The following SV2C variants were observed in gnomAD, a reference collection of about 807,000 sequenced individuals.
SV2C encodes synaptic vesicle glycoprotein 2C, also known as solute carrier family 22 member B3.
In SV2C, 49 loss-of-function variants were observed where a neutral mutation model predicts 79.7. The observed-to-expected ratio is 0.61, with a 90% confidence interval of 0.49 to 0.78. The LOEUF (loss-of-function observed/expected upper bound fraction) is 0.78. SV2C is among the 30% of genes least tolerant of loss of function. The pLI, the probability that SV2C is intolerant of heterozygous loss-of-function variation, is 0.00. For missense variants in SV2C, 833 were observed against 912.9 expected (o/e 0.91, Z 1.13); for synonymous variants, 334 against 333.2 (o/e 1.00, Z -0.03).
the SV2C span, among the ~76,000 whole-genome samples, chr5:75,901,567 C>T: frequency 3.3e-4 from 50 of 152,328 alleles, no homozygotes; most frequent in African/African-American, 1.2e-3. Flanking sequence ...GCAATCTGCC[C>T]CTTCTCAGAT....
chr5:75,898,785 G>T, the SV2C span, among the ~76,000 whole-genome samples: 94 of 152,230 alleles, frequency 6.2e-4, no homozygotes, highest in East Asian at 0.014. Flanking sequence ...CTTCCTCCTG[G>T]TTTAGTCTTG....
chr5:75,883,678 G>A, the SV2C span, among the ~76,000 whole-genome samples: 3 of 124,976 alleles, frequency 2.4e-5, no homozygotes, highest in Non-Finnish European at 4.9e-5. Flanking sequence ...CACACTCTGG[G>A]GACTGTTGTG....
the SV2C span, among the ~76,000 whole-genome samples, chr5:75,949,993 G>A: frequency 6.6e-6 from 1 of 152,024 alleles, no homozygotes; most frequent in Non-Finnish European, 1.5e-5. Flanking sequence ...CAACTGGAAG[G>A]ATAATGTTGC....
the SV2C span, among the ~76,000 whole-genome samples, chr5:75,938,679 G>A: frequency 6.6e-6 from 1 of 152,030 alleles, no homozygotes; most frequent in Non-Finnish European, 1.5e-5. Flanking sequence ...CGGGGTCTGG[G>A]GCACTGCTAA....
At chr5:76,068,998 G>T in the SV2C span, among the ~76,000 whole-genome samples, 2 of 152,140 alleles carry the variant, frequency 1.3e-5, no homozygotes, top group African/African-American at 2.4e-5. Flanking sequence ...GCAAAGAAAA[G>T]AAAAGAAAAA....
In SV2C at chr5:76,295,251, C is replaced by T. The variant is rs75556125; in HGVS notation, c.1338-527C>T. Among the ~76,000 whole-genome samples the T allele has an allele frequency of 1.9e-3, 296 of 152,252 alleles. 1 individual carries two copies. The highest frequency in any genetic ancestry group is 6.6e-3 in the African/African-American group (274 of 41,530). ...CTCTGCTTCCAAGATGGCAGCTTGT[C>T]GCTGAGTCCTCCAGAGGGGACAAAT... On this transcript the variant is annotated intron_variant, in intron 8 of 12. Coordinates refer to ENST00000502798, the MANE Select transcript of SV2C (RefSeq NM_014979.4).
At chr5:76,029,627 ACTT>A in the SV2C span, among the ~76,000 whole-genome samples, 1 of 152,006 alleles carries the variant, frequency 6.6e-6, no homozygotes, top group South Asian at 2.1e-4. Flanking sequence ...AAAAATTTAC[ACTT>A]ATTATTTTTA....
At chr5:76,183,030 ATTTTTTTT>A (rs759427459) in intron 2 of SV2C, among the ~76,000 whole-genome samples, 1 of 102,072 alleles carries the variant, frequency 9.8e-6, no homozygotes, top group East Asian at 3.2e-4. Context: ...AGAACCTACC[ATTTTTTTT>A]TTTTTTTTTT....
At chr5:76,063,697 T>C in the SV2C span, among the ~76,000 whole-genome samples, 1 of 152,172 alleles carries the variant, frequency 6.6e-6, no homozygotes, top group Non-Finnish European at 1.5e-5. Flanking sequence ...TCCAATTGAA[T>C]TGTCTCATAC....
chr5:76,172,432 GC>G (rs1300834842), intron 2 of SV2C, among the ~76,000 whole-genome samples: 1 of 84,328 alleles, frequency 1.2e-5, no homozygotes, highest in Admixed American at 1.2e-4. Flanking sequence ...GGGGGGGTCA[GC>G]CCCCCCGCCC....
intron 4 of SV2C, among the ~76,000 whole-genome samples, chr5:76,220,638 A>G (rs1745040796): frequency 6.9e-6 from 1 of 145,362 alleles, no homozygotes; most frequent in Admixed American, 6.9e-5. Context: ...AAAAAAAAAG[A>G]ATTGACTAGA....
intron 2 of SV2C, among the ~76,000 whole-genome samples, chr5:76,172,147 G>T (rs1489751045): frequency 1.3e-4 from 4 of 30,290 alleles, no homozygotes; most frequent in African/African-American, 2.8e-4. Flanking sequence ...CAGCCGCCCC[G>T]TCTGAGAGGT....
intron 4 of SV2C, among the ~76,000 whole-genome samples, chr5:76,251,527 G>A (rs937946564): frequency 3.3e-5 from 5 of 152,240 alleles, no homozygotes; most frequent in Middle Eastern, 3.4e-3. Flanking sequence ...CTCCAGCCTG[G>A]ACAACAGTGT....
At chr5:75,918,497 C>A in the SV2C span, among the ~76,000 whole-genome samples, 2 of 152,180 alleles carry the variant, frequency 1.3e-5, no homozygotes, top group African/African-American at 4.8e-5. Flanking sequence ...GAAAAAGCTC[C>A]AAGTTTAGAA....
chr5:76,156,133 C>A (rs1742719078), intron 2 of SV2C, among the ~76,000 whole-genome samples: 1 of 152,010 alleles, frequency 6.6e-6, no homozygotes. Context: ...TGGAAACTGT[C>A]TTTTCAAAGG....
At chr5:75,850,338 C>G in the SV2C span, among the ~76,000 whole-genome samples, 1 of 152,092 alleles carries the variant, frequency 6.6e-6, no homozygotes, top group Non-Finnish European at 1.5e-5. Flanking sequence ...TTTTTCACTT[C>G]TGAGGCAAGT....
intron 4 of SV2C, among the ~76,000 whole-genome samples, chr5:76,280,686 C>G (rs889885380): frequency 1.3e-5 from 2 of 152,156 alleles, no homozygotes; most frequent in African/African-American, 4.8e-5. Flanking sequence ...GGCTGCTTTC[C>G]CCGGGGGGTG....
the SV2C span, among the ~76,000 whole-genome samples, chr5:75,858,486 G>A: frequency 4.6e-5 from 7 of 152,198 alleles, no homozygotes; most frequent in Non-Finnish European, 8.8e-5. Flanking sequence ...TTTTTAACGT[G>A]TTGTTGAATT....
intron 2 of SV2C, among the ~76,000 whole-genome samples, chr5:76,193,325 A>T (rs1744164566): frequency 6.6e-6 from 1 of 152,316 alleles, no homozygotes; most frequent in African/African-American, 2.4e-5. Flanking sequence ...GGAGGAATGC[A>T]GAAAGCAGTG....
Sources: allele counts gnomAD v4.1 joint callset (sites outside exome capture counted in the v4.1 genomes callset), GRCh38; gene constraint gnomAD v4.1.1; transcripts MANE v1.5; gene names NCBI Gene and HGNC (gene_info 2026-07-23, HGNC 2026-07-21).